Variants in STAM2 observed in about 807,000 individuals in gnomAD.
The protein encoded by STAM2 is signal transducing adapter molecule 2.
In STAM2, 51 loss-of-function variants were observed where a neutral mutation model predicts 65.6. The ratio of observed to expected loss-of-function variants is 0.78; its 90% CI spans 0.62 to 0.98. STAM2 has a LOEUF of 0.98. Ranked by LOEUF, STAM2 falls within the 50% of genes least tolerant of loss-of-function variation. The pLI is 0.00. For missense variants in STAM2, 584 were observed against 617.8 expected, an observed-to-expected ratio of 0.95 and a Z score of 0.58; for synonymous variants, 198 against 208.4, an observed-to-expected ratio of 0.95 and a Z score of 0.43.
At position 152,118,817 on chromosome 2, in the gene STAM2, T is replaced by A. The variant is rs1688799569; in HGVS notation, c.*1757A>T. ...AATTAACATAAAGGAAAATACTGAA[T>A]AAAAAACAGAACATGAGATATTAAA... On this transcript the variant is annotated 3_prime_UTR_variant, in exon 14 of 14. Coordinates refer to ENST00000263904, the MANE Select transcript of STAM2 (RefSeq NM_005843.6). 6.6e-6 allele frequency: 1 copy of A among 152,048 alleles called. No individual in the cohort carries two copies. Among genetic ancestry groups the A allele is most frequent in the African/African-American group, 2.4e-5 (1 of 41,440 alleles). The allele number at this position is 152,048 out of a possible 1,614,324, so 9.4% of individuals were successfully genotyped here.
chr2:152,168,327 T>C (rs1219934748), intron 1 of STAM2, among the ~76,000 whole-genome samples: 1 of 152,066 alleles, frequency 6.6e-6, no homozygotes, highest in African/African-American at 2.4e-5. Flanking sequence ...GTCCGGCTAA[T>C]TTTTGTATTT....
chr2:152,123,673 T>A (rs1328493992), intron 13 of STAM2, 93 bp downstream of exon 13: 51 of 1,235,776 alleles, frequency 4.1e-5, no homozygotes, highest in Middle Eastern at 2.0e-4. Context: ...TAAACAGTTC[T>A]GTAACTTCAT....
intron 13 of STAM2, among the ~76,000 whole-genome samples, chr2:152,122,076 ATGTGTGTGTGTG>A (rs997181475): frequency 6.7e-5 from 7 of 103,706 alleles, no homozygotes; most frequent in South Asian, 6.4e-4. Flanking sequence ...ATATATATAT[ATGTGTGTGTGTG>A]TGTGTGTGTG....
At chr2:152,164,677 A>G (rs1689743864) in intron 1 of STAM2, among the ~76,000 whole-genome samples, 1 of 152,138 alleles carries the variant, frequency 6.6e-6, no homozygotes, top group African/African-American at 2.4e-5. Context: ...TAATAATACA[A>G]TATATTTAAG....
chr2:152,144,846 A>G, intron 6 of STAM2, 42 bp downstream of exon 6: 1 of 952,714 alleles, frequency 1.0e-6, no homozygotes, highest in Non-Finnish European at 1.4e-6. Context: ...CCTGGCAAAG[A>G]TATTTTAAGC....
intron 1 of STAM2, among the ~76,000 whole-genome samples, chr2:152,172,363 A>T (rs1349116446): frequency 1.3e-5 from 2 of 152,094 alleles, no homozygotes; most frequent in Non-Finnish European, 2.9e-5. Flanking sequence ...TCAATTCATG[A>T]GTGCCTTCCT....
At chr2:152,145,109 T>C (rs1368975225) in intron 5 of STAM2, 152 bp from the exon 6 acceptor site, 1 of 653,680 alleles carries the variant, frequency 1.5e-6, no homozygotes, top group East Asian at 2.8e-5. Context: ...TCTCATTCTG[T>C]CAGCCAGGTT....
intron 1 of STAM2, among the ~76,000 whole-genome samples, chr2:152,151,966 G>T (rs1202342834): frequency 6.6e-6 from 1 of 152,156 alleles, no homozygotes; most frequent in African/African-American, 2.4e-5. Context: ...CTGAGACAGG[G>T]TCTCACTCTG....
chr2:152,133,520 T>G, intron 8 of STAM2, 36 bp from the exon 9 acceptor site: 1 of 1,519,982 alleles, frequency 6.6e-7, no homozygotes, highest in Non-Finnish European at 9.1e-7. Context: ...TCCTCAGCAT[T>G]TACTTCAGTA....
intron 1 of STAM2, among the ~76,000 whole-genome samples, chr2:152,156,645 T>C (rs1243049356): frequency 1.3e-5 from 2 of 152,102 alleles, no homozygotes; most frequent in East Asian, 3.9e-4. Context: ...TCTAACAATA[T>C]GATAAAGAAT....
In STAM2 at chr2:152,140,326, G is replaced by A. The variant is rs554074900; in HGVS notation, c.704+3501C>T. ...CCATTATTGATAAGCAAGAAAACAA[G>A]GCACGAACAAACAAAAAACTCTGCA... On this transcript the variant is annotated intron_variant, in intron 7 of 13. Transcript: ENST00000263904. Among the ~76,000 whole-genome samples the A allele has an allele frequency of 1.2e-3, 190 of 152,238 alleles. 1 individual carries two copies. Among genetic ancestry groups the A allele is most frequent in the African/African-American group, 4.4e-3 (182 of 41,544 alleles).
chr2:152,151,680 T>C (rs1054818193), intron 1 of STAM2, among the ~76,000 whole-genome samples: 1 of 152,168 alleles, frequency 6.6e-6, no homozygotes, highest in Admixed American at 6.5e-5. Context: ...TCCCCACATA[T>C]TCCCAGCCCT....
chr2:152,122,573 C>G (rs1000003652), intron 13 of STAM2, among the ~76,000 whole-genome samples: 7 of 152,074 alleles, frequency 4.6e-5, no homozygotes, highest in Non-Finnish European at 1.0e-4. Flanking sequence ...TTTATTCTAA[C>G]TGAACACTAA....
intron 11 of STAM2, among the ~76,000 whole-genome samples, chr2:152,128,542 C>G (rs949150258): frequency 1.3e-5 from 2 of 151,976 alleles, no homozygotes; most frequent in East Asian, 3.9e-4. Flanking sequence ...GCTGATGAAA[C>G]ACCAGGAAAA....
intron 11 of STAM2, among the ~76,000 whole-genome samples, chr2:152,126,934 A>G (rs1482223295): frequency 6.6e-6 from 1 of 152,162 alleles, no homozygotes; most frequent in Non-Finnish European, 1.5e-5. Flanking sequence ...AACCAATCAG[A>G]TGTTTGCACA....
intron 11 of STAM2, among the ~76,000 whole-genome samples, chr2:152,130,505 C>A (rs1689039973): frequency 6.6e-6 from 1 of 151,880 alleles, no homozygotes; most frequent in Admixed American, 6.6e-5. Context: ...CCCGCCTCGG[C>A]CTCCCAAAGT....
At chr2:152,152,932 G>C (rs1689474051) in intron 1 of STAM2, among the ~76,000 whole-genome samples, 1 of 152,120 alleles carries the variant, frequency 6.6e-6, no homozygotes, top group Non-Finnish European at 1.5e-5. Flanking sequence ...ATTTATAAAG[G>C]TTTATTAAGT....
rs547734864 is a variant in STAM2, at chr2:152,118,924, C to A, written c.*1650G>T. ...GAGCTTTCAAATACTGCTAATTTTT[C>A]CACTTAAATGTAGATCAAGTACCAT... On this transcript the variant is annotated 3_prime_UTR_variant, in exon 14 of 14. Coordinates refer to ENST00000263904, the MANE Select transcript of STAM2 (RefSeq NM_005843.6). 4 of 152,098 alleles carry A rather than the reference C, an allele frequency of 2.6e-5. No homozygotes were observed. Among genetic ancestry groups the A allele is most frequent in the African/African-American group, 9.6e-5 (4 of 41,534 alleles). The allele number at this position is 152,098 out of a possible 1,614,324, so 9.4% of individuals were successfully genotyped here.
chr2:152,175,579 T>C, intron 1 of STAM2, 24 bp downstream of exon 1: 3 of 1,613,964 alleles, frequency 1.9e-6, no homozygotes, highest in Non-Finnish European at 2.5e-6. Context: ...CACACAGCAG[T>C]CCAGGACCGG....
Sources: allele counts gnomAD v4.1 joint callset (sites outside exome capture counted in the v4.1 genomes callset), GRCh38; gene constraint gnomAD v4.1.1; transcripts MANE v1.5; gene names NCBI Gene and HGNC (gene_info 2026-07-23, HGNC 2026-07-21).